Variants in NEDD9 observed in about 807,000 individuals in gnomAD.
NEDD9 encodes neural precursor cell expressed, developmentally down-regulated 9.
In NEDD9, 26 loss-of-function variants were observed where a neutral mutation model predicts 76.6. The observed-to-expected ratio is 0.34, with a 90% CI of 0.25 to 0.47. The LOEUF (loss-of-function observed/expected upper bound fraction) is 0.47, where lower values mean the gene tolerates loss of function less well. Among genes scored for constraint, NEDD9 ranks in the 20% least tolerant of loss-of-function variants. NEDD9 has a pLI of 1.00. For synonymous variants in NEDD9, 392 were observed against 414.2 expected (o/e 0.95, Z 0.65); for missense variants, 937 against 1,058.5 (o/e 0.89, Z 1.59).
chr6:11,183,733 G>A lies in NEDD9; in HGVS notation c.*1429C>T, dbSNP rs1317650856. The A allele has an allele frequency of 6.6e-6, 1 of 152,110 alleles. No individual in the cohort carries two copies. 9.4% of individuals were successfully genotyped at this position (152,110 alleles called of 1,614,324 possible). On this transcript the variant is annotated 3_prime_UTR_variant, in exon 7 of 7. Transcript: ENST00000379446. ...TGATTTGGTTGTTTAAAACAAGCAA[G>A]CTTAATTCAGTCAGGCATATATTGC...
intron 1 of NEDD9, among the ~76,000 whole-genome samples, chr6:11,335,847 A>C (rs923795915): frequency 6.6e-6 from 1 of 152,188 alleles, no homozygotes; most frequent in Non-Finnish European, 1.5e-5. Flanking sequence ...CACCAATCTA[A>C]TATATTTCAA....
rs561008830 is a variant in NEDD9, at chr6:11,183,308, G to A, written c.*1854C>T. On this transcript the variant is annotated 3_prime_UTR_variant, in exon 7 of 7. Transcript: ENST00000379446. ...AGAAAACCCAGTGGCTATGAAAACA[G>A]AGATCTAAAAATTTAATGATTTAAA... is the stretch of plus-strand genomic sequence containing the variant. 32 of 152,284 alleles carry A rather than the reference G, an allele frequency of 2.1e-4. No homozygotes were observed. Among genetic ancestry groups the A allele is most frequent in the African/African-American group, 6.3e-4 (26 of 41,576 alleles). The allele number at this position is 152,284 out of a possible 1,614,324, so 9.4% of individuals were successfully genotyped here.
At chr6:11,342,221 AC>A (rs1375893271) in intron 1 of NEDD9, among the ~76,000 whole-genome samples, 50 of 152,270 alleles carry the variant, frequency 3.3e-4, no homozygotes, top group African/African-American at 1.1e-3. Context: ...AGTCTAACTT[AC>A]GTCTATTTGG....
chr6:11,313,982 T>C (rs1761464006), intron 2 of NEDD9, among the ~76,000 whole-genome samples: 1 of 152,178 alleles, frequency 6.6e-6, no homozygotes, highest in Non-Finnish European at 1.5e-5. Flanking sequence ...CAGCACAGAT[T>C]TTTCTCAAAA....
At chr6:11,254,066 G>T (rs1759959840) in intron 3 of NEDD9, among the ~76,000 whole-genome samples, 1 of 152,110 alleles carries the variant, frequency 6.6e-6, no homozygotes, top group Admixed American at 6.5e-5. Flanking sequence ...TACATGCCAT[G>T]AAATATTTGG....
intron 1 of NEDD9, among the ~76,000 whole-genome samples, chr6:11,226,556 A>G (rs1181197371): frequency 6.6e-6 from 1 of 152,194 alleles, no homozygotes; most frequent in Non-Finnish European, 1.5e-5. Context: ...ATGTCATTCT[A>G]ATTGACTGCA....
At chr6:11,231,383 C>T (rs1244445993) in intron 1 of NEDD9, among the ~76,000 whole-genome samples, 2 of 152,160 alleles carry the variant, frequency 1.3e-5, no homozygotes, top group Non-Finnish European at 2.9e-5. Context: ...AGCTTTATTA[C>T]TGAGGCTAGT....
chr6:11,232,828 A>G (rs1759523648), upstream of NEDD9: 7 of 831,560 alleles, frequency 8.4e-6, no homozygotes, highest in South Asian at 1.1e-4. Context: ...TTGCTTTATC[A>G]GACGGTGGAA....
At chr6:11,230,785 C>T (rs1759446730) in intron 1 of NEDD9, among the ~76,000 whole-genome samples, 1 of 152,182 alleles carries the variant, frequency 6.6e-6, no homozygotes, top group Non-Finnish European at 1.5e-5. Context: ...AGTGGAGAAG[C>T]AGGTTTCTCC....
At chr6:11,209,216 T>C (rs973473669) in intron 2 of NEDD9, among the ~76,000 whole-genome samples, 2 of 152,262 alleles carry the variant, frequency 1.3e-5, no homozygotes, top group African/African-American at 2.4e-5. Context: ...TTGTGTTTCA[T>C]ATTTTGGAGT....
chr6:11,326,010 G>A (rs973954263), intron 2 of NEDD9, among the ~76,000 whole-genome samples: 10 of 152,082 alleles, frequency 6.6e-5, no homozygotes, highest in Non-Finnish European at 1.5e-4. Flanking sequence ...GACAGGTGTC[G>A]TGGCACATGC....
chr6:11,360,397 A>G (rs1284149153), intron 1 of NEDD9, among the ~76,000 whole-genome samples: 1 of 152,198 alleles, frequency 6.6e-6, no homozygotes, highest in Non-Finnish European at 1.5e-5. Context: ...CTGTGTGGTC[A>G]CCACTTAGCC....
Position 11,185,244 on chromosome 6 carries a change from T to C in NEDD9, c.2423A>G (p.Gln808Arg). 9 of 1,614,172 alleles carry C rather than the reference T, an allele frequency of 5.6e-6. No homozygotes were observed. The highest frequency in any genetic ancestry group is 7.6e-6 in the Non-Finnish European group (9 of 1,180,034). Reference protein sequence around the residue: ...ALHYPSTTALQEMVHQVTDLS... With the variant: ...ALHYPSTTALREMVHQVTDLS... ...GTCTGTCACTTGGTGCACCATTTCC[T>C]GCAGGGCCGTGGTGCTGGGGTAATG... Residue 808 changes from glutamine (Q) to arginine (R), a missense_variant, in exon 7 of 7, where the codon CAG becomes CGG. Coordinates refer to ENST00000379446, the MANE Select transcript of NEDD9 (RefSeq NM_006403.4).
intron 2 of NEDD9, among the ~76,000 whole-genome samples, chr6:11,203,121 G>T (rs937062245): frequency 4.6e-5 from 7 of 152,230 alleles, no homozygotes; most frequent in Non-Finnish European, 7.3e-5. Context: ...GCAGCTAGAA[G>T]CATTTAACAT....
chr6:11,304,570 T>C (rs982938376), intron 3 of NEDD9, among the ~76,000 whole-genome samples: 1 of 152,238 alleles, frequency 6.6e-6, no homozygotes, highest in South Asian at 2.1e-4. Context: ...TATCCATCAA[T>C]GATAGACTGG....
chr6:11,363,323 GA>G (rs890767394), intron 1 of NEDD9, among the ~76,000 whole-genome samples: 8 of 152,186 alleles, frequency 5.3e-5, no homozygotes, highest in African/African-American at 1.9e-4. Context: ...TTCTTTGTCA[GA>G]TTTTTTTTAA....
intron 4 of NEDD9, among the ~76,000 whole-genome samples, chr6:11,191,788 T>C (rs911094107): frequency 6.6e-6 from 1 of 152,074 alleles, no homozygotes; most frequent in East Asian, 1.9e-4. Flanking sequence ...AGTAGGATCA[T>C]TTAAGCCCAT....
At chr6:11,288,136 A>G (rs1172443390) in intron 3 of NEDD9, among the ~76,000 whole-genome samples, 1 of 152,142 alleles carries the variant, frequency 6.6e-6, no homozygotes, top group African/African-American at 2.4e-5. Flanking sequence ...TCTTGACTTT[A>G]TATGTGGCTC....
At chr6:11,358,409 T>A (rs1762621293) in intron 1 of NEDD9, among the ~76,000 whole-genome samples, 1 of 152,234 alleles carries the variant, frequency 6.6e-6, no homozygotes, top group East Asian at 1.9e-4. Context: ...CTTGGCCATG[T>A]GTGCCCTGGA....
Sources: allele counts gnomAD v4.1 joint callset (sites outside exome capture counted in the v4.1 genomes callset), GRCh38; gene constraint gnomAD v4.1.1; transcripts MANE v1.5; gene names NCBI Gene and HGNC (gene_info 2026-07-23, HGNC 2026-07-21).